Variants in RBMS1 observed in about 807,000 individuals in gnomAD.
RBMS1 encodes RNA binding motif single stranded interacting protein 1.
RBMS1 carries 17 observed loss-of-function variants against 62.3 expected under a neutral mutation model. That is an observed-to-expected ratio of 0.27 (90% CI 0.19 to 0.41). The LOEUF is 0.41. RBMS1 is among the 10% of genes least tolerant of loss of function. The pLI is 1.00. For synonymous variants in RBMS1, 172 were observed against 170.0 expected (o/e 1.01, Z -0.09); for missense variants, 334 against 504.5 (o/e 0.66, Z 3.24).
intron 4 of RBMS1, among the ~76,000 whole-genome samples, chr2:160,309,982 G>T (rs1362323274): frequency 1.3e-5 from 2 of 152,064 alleles, no homozygotes; most frequent in African/African-American, 2.4e-5. Context: ...AACAGTACTG[G>T]AGTATTAAAT....
chr2:160,337,221 C>T (rs755006229), intron 2 of RBMS1, among the ~76,000 whole-genome samples: 25 of 151,248 alleles, frequency 1.7e-4, no homozygotes, highest in Non-Finnish European at 2.9e-4. Context: ...GCAACCTCCA[C>T]CTCCTGGGTT....
chr2:160,377,090 G>GTTT (rs138453540), intron 1 of RBMS1, among the ~76,000 whole-genome samples: 1 of 148,254 alleles, frequency 6.7e-6, no homozygotes, highest in Non-Finnish European at 1.5e-5. Flanking sequence ...GGCTTGCTGG[G>GTTT]TTTTTTTTTT....
chr2:160,319,851 T>C (rs1690456759), intron 2 of RBMS1, among the ~76,000 whole-genome samples: 1 of 152,202 alleles, frequency 6.6e-6, no homozygotes, highest in Admixed American at 6.5e-5. Context: ...CTTCCTTATG[T>C]TCACTCTGTG....
chr2:160,432,851 A>T (rs1682955519), intron 1 of RBMS1, among the ~76,000 whole-genome samples: 1 of 151,772 alleles, frequency 6.6e-6, no homozygotes, highest in South Asian at 2.1e-4. Context: ...TGAAACAATG[A>T]TTGGGTATCA....
rs1441774049 is a variant in RBMS1, at chr2:160,272,547, A to G, written c.*2225T>C. On this transcript the variant is annotated 3_prime_UTR_variant, in exon 14 of 14. Coordinates refer to ENST00000348849, the MANE Select transcript of RBMS1 (RefSeq NM_016836.4). ...CCCAGACGAGTATGGCACTTAGTTCAGACATTTCTAGCAGCAGATTTCCCC... is the reference window on the plus strand; with the variant it reads ...CCCAGACGAGTATGGCACTTAGTTCGGACATTTCTAGCAGCAGATTTCCCC... 2 of 152,020 alleles carry G rather than the reference A, an allele frequency of 1.3e-5. No homozygotes were observed. The highest frequency in any genetic ancestry group is 2.9e-5 in the Non-Finnish European group (2 of 68,036). 9.4% of individuals were successfully genotyped at this position (152,020 alleles called of 1,614,324 possible).
Position 160,493,399 on chromosome 2 carries a change from A to T in RBMS1, c.-36T>A. ...GGGAGCCTGCCGTGCAGGGTCGCGG[A>T]CACTTTGGGGTTTCCAAGTCTCGGG... On this transcript the variant is annotated 5_prime_UTR_variant, in exon 1 of 14. Transcript: ENST00000348849. 4.4e-6 allele frequency: 7 copies of T among 1,604,032 alleles called. No individual in the cohort carries two copies. The highest frequency in any genetic ancestry group is 6.0e-6 in the Non-Finnish European group (7 of 1,171,712).
intron 2 of RBMS1, among the ~76,000 whole-genome samples, chr2:160,335,953 T>C (rs954019974): frequency 1.6e-4 from 24 of 152,206 alleles, no homozygotes; most frequent in African/African-American, 5.5e-4. Context: ...TGCAAATTAA[T>C]TCAAACCTTT....
intron 1 of RBMS1, among the ~76,000 whole-genome samples, chr2:160,411,465 T>C (rs1013471861): frequency 2.0e-5 from 3 of 152,196 alleles, no homozygotes; most frequent in Admixed American, 6.5e-5. Flanking sequence ...CTGCAGTCCC[T>C]AGAGCTGCTT....
chr2:160,445,095 C>T (rs1009654081), intron 1 of RBMS1, among the ~76,000 whole-genome samples: 4 of 152,200 alleles, frequency 2.6e-5, no homozygotes, highest in African/African-American at 4.8e-5. Flanking sequence ...CTAATTTTTA[C>T]TCCACCTATA....
intron 1 of RBMS1, among the ~76,000 whole-genome samples, chr2:160,384,392 T>C (rs1694459855): frequency 6.6e-6 from 1 of 152,210 alleles, no homozygotes; most frequent in African/African-American, 2.4e-5. Context: ...TGCTACAACA[T>C]AGAACAAGTC....
chr2:160,407,967 C>T, intron 1 of RBMS1: 1 of 957,816 alleles, frequency 1.0e-6, no homozygotes, highest in East Asian at 1.2e-4. Context: ...CCCAGGCCCA[C>T]CCGCGCCTCC....
chr2:160,339,862 T>C (rs1691776953), intron 2 of RBMS1, among the ~76,000 whole-genome samples: 1 of 152,200 alleles, frequency 6.6e-6, no homozygotes, highest in Non-Finnish European at 1.5e-5. Flanking sequence ...TTACTGCTCA[T>C]CAAATGTTCA....
intron 2 of RBMS1, among the ~76,000 whole-genome samples, chr2:160,358,404 C>G (rs1692925972): frequency 6.6e-6 from 1 of 152,106 alleles, no homozygotes; most frequent in South Asian, 2.1e-4. Flanking sequence ...GCAAAATGCT[C>G]AAGTTCCTTG....
intron 1 of RBMS1, among the ~76,000 whole-genome samples, chr2:160,472,608 T>C (rs1266192563): frequency 1.3e-5 from 2 of 152,244 alleles, no homozygotes; most frequent in African/African-American, 2.4e-5. Context: ...AAATGCATTT[T>C]GTATTAATTT....
chr2:160,285,486 G>C (rs1309206427), intron 7 of RBMS1, among the ~76,000 whole-genome samples: 2 of 152,028 alleles, frequency 1.3e-5, no homozygotes, highest in Non-Finnish European at 2.9e-5. Context: ...GCCACCTGTG[G>C]CTGGTGGCTG....
intron 1 of RBMS1, among the ~76,000 whole-genome samples, chr2:160,380,613 A>G (rs1694242090): frequency 6.6e-6 from 1 of 152,262 alleles, no homozygotes; most frequent in Non-Finnish European, 1.5e-5. Flanking sequence ...CTTCGGATCT[A>G]ACAGTTTAAA....
In RBMS1 at chr2:160,396,616, AG is replaced by A. The variant is rs1207238415; in HGVS notation, c.76-29226del. 2.5e-5 allele frequency among the ~76,000 whole-genome samples: 3 copies of A among 120,176 alleles called. No individual in the cohort carries two copies. The East Asian group carries it at 8.2e-4, about 33-fold the overall frequency. The allele number at this position is 120,176 out of a possible 152,430, so 78.8% of individuals were successfully genotyped here. A position where few individuals can be genotyped will look rare whatever the true frequency, so the allele number is the denominator to read the frequency against. On this transcript the variant is annotated intron_variant, in intron 1 of 13. Transcript: ENST00000348849. ...AGTCTCACTCTGTTGCCTAGGCTGG[AG>A]TACAGTGGCACCATCTCAGCTCACT...
At chr2:160,297,840 C>G (rs1689017439) in intron 6 of RBMS1, among the ~76,000 whole-genome samples, 1 of 152,182 alleles carries the variant, frequency 6.6e-6, no homozygotes, top group Admixed American at 6.5e-5. Context: ...AGCAGGAAGG[C>G]AGAGGATGGA....
At chr2:160,325,040 C>T (rs867520862) in intron 2 of RBMS1, among the ~76,000 whole-genome samples, 10 of 151,692 alleles carry the variant, frequency 6.6e-5, no homozygotes, top group South Asian at 6.3e-4. Context: ...CAGTAAGGGA[C>T]GTATTCAAGG....
Sources: allele counts gnomAD v4.1 joint callset (sites outside exome capture counted in the v4.1 genomes callset), GRCh38; gene constraint gnomAD v4.1.1; transcripts MANE v1.5; gene names NCBI Gene and HGNC (gene_info 2026-07-23, HGNC 2026-07-21).